The following GBE1 variants were observed in gnomAD, a reference collection of about 807,000 sequenced individuals.
GBE1 encodes the protein 1,4-alpha-glucan-branching enzyme.
A neutral mutation model predicts 88.8 loss-of-function variants in GBE1; 70 were observed. The observed-to-expected ratio is 0.79, with a 90% CI of 0.65 to 0.96. GBE1 has a LOEUF of 0.96. Ranked by LOEUF, GBE1 falls within the 40% of genes least tolerant of loss-of-function variation. GBE1 has a pLI of 0.00. For synonymous variants in GBE1, 284 were observed against 300.1 expected (o/e 0.95, Z 0.56); for missense variants, 872 against 871.0 (o/e 1.00, Z -0.01).
intron 7 of GBE1, among the ~76,000 whole-genome samples, chr3:81,599,170 T>C (rs1156451049): frequency 6.6e-6 from 1 of 152,142 alleles, no homozygotes; most frequent in Non-Finnish European, 1.5e-5. Flanking sequence ...TACTAAAAAA[T>C]AAAATACTTG....
intron 14 of GBE1, among the ~76,000 whole-genome samples, chr3:81,508,215 G>A (rs532807200): frequency 7.2e-5 from 11 of 151,982 alleles, no homozygotes; most frequent in East Asian, 1.9e-4. Context: ...AATACTTTAC[G>A]GAATACTTCT....
At chr3:81,701,122 T>A (rs972531181) in intron 2 of GBE1, among the ~76,000 whole-genome samples, 17 of 152,300 alleles carry the variant, frequency 1.1e-4, no homozygotes, top group Admixed American at 1.1e-3. Flanking sequence ...TTGCAGATGA[T>A]TCAAAGTTTT....
chr3:81,594,111 T>G, intron 7 of GBE1, 88 bp from the exon 8 acceptor site: 1 of 594,288 alleles, frequency 1.7e-6, no homozygotes. Flanking sequence ...ACTAAAATTA[T>G]AGGGCTCTAT....
chr3:81,581,424 A>C, intron 10 of GBE1, 149 bp from the exon 11 acceptor site: 1 of 564,166 alleles, frequency 1.8e-6, no homozygotes, highest in East Asian at 3.1e-5. Flanking sequence ...CACTGTTTAA[A>C]CTTTTACTGA....
chr3:81,527,380 T>A lies in GBE1; in HGVS notation c.1934+7815A>T, dbSNP rs576786829. Among the ~76,000 whole-genome samples the A allele has an allele frequency of 2.4e-3, 360 of 152,174 alleles. 3 individuals carry two copies. Among genetic ancestry groups the A allele is most frequent in the African/African-American group, 8.1e-3 (337 of 41,542 alleles). On this transcript the variant is annotated intron_variant, in intron 14 of 15. Coordinates refer to ENST00000429644, the MANE Select transcript of GBE1 (RefSeq NM_000158.4). ...CCAAAATTGACAAATGGGATCTAAT[T>A]AAACTAAAGAGCTTCTGCACAGCAA...
In GBE1 at chr3:81,755,276, C is replaced by T. The variant is rs1024511005; in HGVS notation, c.143+6099G>A. Among the ~76,000 whole-genome samples, 4 of 152,190 alleles carry T rather than the reference C, an allele frequency of 2.6e-5. No individual in the cohort carries two copies. The East Asian group carries it at 7.7e-4, about 29-fold the overall frequency. On this transcript the variant is annotated intron_variant, in intron 1 of 15. Transcript: ENST00000429644. ...TCAAAACCACAATGCAATATCATCTCACTACAGTTAAAATAGCTTGTATCA... is the reference window on the plus strand; with the variant it reads ...TCAAAACCACAATGCAATATCATCTTACTACAGTTAAAATAGCTTGTATCA...
chr3:81,527,330 A>T (rs1285560108), intron 14 of GBE1, among the ~76,000 whole-genome samples: 1 of 152,102 alleles, frequency 6.6e-6, no homozygotes, highest in African/African-American at 2.4e-5. Flanking sequence ...CATGTCTAAA[A>T]CACCAAAAGC....
chr3:81,725,203 T>G (rs1340095876), intron 1 of GBE1, among the ~76,000 whole-genome samples: 1 of 152,164 alleles, frequency 6.6e-6, no homozygotes, highest in Non-Finnish European at 1.5e-5. Flanking sequence ...TACAGTAACT[T>G]TTCTATTTTA....
intron 2 of GBE1, among the ~76,000 whole-genome samples, chr3:81,676,785 A>C (rs1345748642): frequency 6.6e-6 from 1 of 152,146 alleles, no homozygotes. Context: ...AACAGGTTTA[A>C]ATTCATCATA....
intron 2 of GBE1, among the ~76,000 whole-genome samples, chr3:81,684,428 G>A (rs776095094): frequency 2.0e-5 from 3 of 152,116 alleles, no homozygotes; most frequent in Non-Finnish European, 2.9e-5. Flanking sequence ...GTGGCAGCAC[G>A]GTCCAATTCT....
At chr3:81,495,967 G>C (rs192718116) in intron 15 of GBE1, among the ~76,000 whole-genome samples, 122 of 152,234 alleles carry the variant, frequency 8.0e-4, no homozygotes, top group Admixed American at 1.2e-3. Context: ...TCATCATTCA[G>C]TTACCGTAAA....
intron 2 of GBE1, among the ~76,000 whole-genome samples, chr3:81,680,799 GCT>G (rs1222937018): frequency 1.3e-5 from 2 of 152,216 alleles, no homozygotes; most frequent in Non-Finnish European, 2.9e-5. Context: ...ATCCCAGAGA[GCT>G]CTCTTTCTGT....
At position 81,499,228 on chromosome 3, in the gene GBE1, G is replaced by A. The variant is rs1475447884; in HGVS notation, c.1935-1C>T. The stretch of plus-strand genomic sequence containing the variant: ...ATCTGAATCTAGCACAATTTTGAAT[G>A]TACAGCTCTTAAGGAATTCACAACA... On this transcript the variant is annotated splice_acceptor_variant, in intron 14 of 15. Coordinates refer to ENST00000429644, the MANE Select transcript of GBE1 (RefSeq NM_000158.4). LOFTEE classifies it high-confidence loss of function. 5 of 1,556,124 alleles carry A rather than the reference G, an allele frequency of 3.2e-6. No homozygotes were observed. Among genetic ancestry groups the A allele is most frequent in the Non-Finnish European group, 4.4e-6 (5 of 1,130,022 alleles).
chr3:81,534,422 G>T (rs1048185648), intron 14 of GBE1, among the ~76,000 whole-genome samples: 3 of 151,968 alleles, frequency 2.0e-5, no homozygotes, highest in Non-Finnish European at 4.4e-5. Flanking sequence ...TACTCAGTAA[G>T]TATCTATAAG....
intron 7 of GBE1, among the ~76,000 whole-genome samples, chr3:81,594,652 A>T (rs1178337067): frequency 2.6e-5 from 4 of 152,074 alleles, no homozygotes; most frequent in Admixed American, 2.6e-4. Flanking sequence ...GTAAAAAAAG[A>T]AAACCTAATT....
intron 7 of GBE1, among the ~76,000 whole-genome samples, chr3:81,627,352 G>A (rs1355060377): frequency 1.3e-5 from 2 of 152,142 alleles, no homozygotes; most frequent in African/African-American, 4.8e-5. Flanking sequence ...AATAAAGTGG[G>A]AAACAAGATA....
At chr3:81,646,954 A>G (rs1157141495) in intron 5 of GBE1, among the ~76,000 whole-genome samples, 1 of 146,002 alleles carries the variant, frequency 6.8e-6, no homozygotes, top group Non-Finnish European at 1.5e-5. Flanking sequence ...TCCATAAGGT[A>G]GCTTTTTTTT....
chr3:81,556,516 T>G (rs1391493801), intron 12 of GBE1, among the ~76,000 whole-genome samples: 2 of 152,020 alleles, frequency 1.3e-5, no homozygotes, highest in African/African-American at 4.8e-5. Flanking sequence ...CTTTTAATAC[T>G]CCAAGTGACA....
chr3:81,588,116 T>C (rs1423761977), intron 9 of GBE1, among the ~76,000 whole-genome samples: 5 of 139,164 alleles, frequency 3.6e-5, no homozygotes, highest in Admixed American at 3.6e-4. Context: ...TTTTTTTTTT[T>C]CTTATGGAAG....
Sources: allele counts gnomAD v4.1 joint callset (sites outside exome capture counted in the v4.1 genomes callset), GRCh38; gene constraint gnomAD v4.1.1; transcripts MANE v1.5; gene names NCBI Gene and HGNC (gene_info 2026-07-23, HGNC 2026-07-21).